DKK4: variants seen among roughly 807,000 people sequenced by gnomAD.
DKK4 encodes the protein dickkopf-related protein 4.
DKK4 carries 15 observed loss-of-function variants against 14.5 expected under a neutral mutation model. That is an observed-to-expected ratio of 1.03 (90% CI 0.69 to 1.59). The LOEUF (loss-of-function observed/expected upper bound fraction) is 1.59. DKK4 is among the 40% of genes most tolerant of loss of function. DKK4 has a pLI of 0.00. For synonymous variants in DKK4, 89 were observed against 105.2 expected (o/e 0.85, Z 0.94); for missense variants, 272 against 280.3 (o/e 0.97, Z 0.21).
At chr8:42,387,705 G>A in the DKK4 span, among the ~76,000 whole-genome samples, 2 of 152,074 alleles carry the variant, frequency 1.3e-5, no homozygotes, top group East Asian at 1.9e-4. Flanking sequence ...AATCTAGAGC[G>A]AGCTAACTGG....
chr8:42,388,092 G>T, the DKK4 span, among the ~76,000 whole-genome samples: 1 of 152,244 alleles, frequency 6.6e-6, no homozygotes, highest in African/African-American at 2.4e-5. Context: ...TAGAGACAGG[G>T]TCTCACTATG....
chr8:42,387,110 C>T, the DKK4 span, among the ~76,000 whole-genome samples: 4 of 152,146 alleles, frequency 2.6e-5, no homozygotes, highest in Non-Finnish European at 4.4e-5. Flanking sequence ...GCCCTGGACA[C>T]GAAAGACGCT....
chr8:42,386,059 C>T, the DKK4 span, among the ~76,000 whole-genome samples: 13 of 152,230 alleles, frequency 8.5e-5, no homozygotes, highest in Non-Finnish European at 1.5e-4. Flanking sequence ...CTGTCTGCCT[C>T]CCCGGATTGG....
At position 42,375,798 on chromosome 8, in the gene DKK4, A is replaced by G; in HGVS notation, c.144T>C (p.Asn48=). ...GGGGCTGGAGGCAGAACTTTCTGGT[A>G]TTGCAGTCCGTGTCAGACAGGCACT... The part of the protein sequence containing the change: ...GSQCLSDTDC[N]TRKFCLQPRD... Residue 48 remains asparagine (N), a synonymous_variant, in exon 2 of 4, where the codon AAT becomes AAC. Coordinates refer to ENST00000220812, the MANE Select transcript of DKK4 (RefSeq NM_014420.3). The G allele has an allele frequency of 3.1e-6, 5 of 1,614,118 alleles. No individual in the cohort carries two copies. The highest frequency in any genetic ancestry group is 4.2e-6 in the Non-Finnish European group (5 of 1,180,010).
the DKK4 span, among the ~76,000 whole-genome samples, chr8:42,382,735 A>G: frequency 6.6e-6 from 1 of 152,262 alleles, no homozygotes; most frequent in Non-Finnish European, 1.5e-5. Context: ...TGATGCTTCA[A>G]GTTTTGCAGT....
upstream of DKK4, among the ~76,000 whole-genome samples, chr8:42,379,024 A>G (rs1021128142): frequency 2.0e-5 from 3 of 148,866 alleles, no homozygotes; most frequent in Non-Finnish European, 4.5e-5. Context: ...GCTGAGGTGG[A>G]TGGATCACCT....
chr8:42,374,690 C>T (rs1317883858), intron 3 of DKK4, 71 bp downstream of exon 3: 1 of 1,586,126 alleles, frequency 6.3e-7, no homozygotes, highest in Non-Finnish European at 8.6e-7. Context: ...ATCAGTCTCA[C>T]CCTATCCTTA....
upstream of DKK4, among the ~76,000 whole-genome samples, chr8:42,377,947 T>C (rs1352131254): frequency 2.0e-5 from 3 of 152,266 alleles, no homozygotes; most frequent in Non-Finnish European, 4.4e-5. Context: ...TTTGGGTCCA[T>C]TTTATCAGCA....
chr8:42,377,325 T>A, upstream of DKK4: 1 of 384,220 alleles, frequency 2.6e-6, no homozygotes, highest in East Asian at 4.4e-5. Flanking sequence ...AACAAATCCC[T>A]TCAAATCTGT....
intron 1 of DKK4, 27 bp from the exon 2 acceptor site, chr8:42,375,857 G>T (rs1370657525): frequency 1.9e-6 from 3 of 1,611,492 alleles, no homozygotes; most frequent in Non-Finnish European, 2.5e-6. Flanking sequence ...TTATCACAAG[G>T]CTAGGAAACC....
the DKK4 span, among the ~76,000 whole-genome samples, chr8:42,386,627 C>A: frequency 6.6e-6 from 1 of 152,064 alleles, no homozygotes; most frequent in Non-Finnish European, 1.5e-5. Flanking sequence ...TAGCTGGGAA[C>A]ACAGACGTGC....
chr8:42,386,490 C>A, the DKK4 span, among the ~76,000 whole-genome samples: 1 of 151,928 alleles, frequency 6.6e-6, no homozygotes, highest in Non-Finnish European at 1.5e-5. Context: ...GTTCTTTTGG[C>A]TTTGCTTTGC....
chr8:42,385,968 T>C, the DKK4 span, among the ~76,000 whole-genome samples: 1 of 152,244 alleles, frequency 6.6e-6, no homozygotes, highest in African/African-American at 2.4e-5. Context: ...ATATGCAATA[T>C]AATTAATCTA....
At chr8:42,388,839 G>A in the DKK4 span, among the ~76,000 whole-genome samples, 1 of 152,260 alleles carries the variant, frequency 6.6e-6, no homozygotes, top group Admixed American at 6.5e-5. Context: ...AAAGTGCTGG[G>A]ATTACAGGCG....
chr8:42,381,578 C>T (rs376313418), upstream of DKK4, among the ~76,000 whole-genome samples: 4 of 152,086 alleles, frequency 2.6e-5, no homozygotes, highest in African/African-American at 4.8e-5. Flanking sequence ...GCTTTGGGGC[C>T]GGGCCTGACT....
At chr8:42,389,115 TTGTATTTTTTGTAGAGA>T in the DKK4 span, among the ~76,000 whole-genome samples, 2 of 152,198 alleles carry the variant, frequency 1.3e-5, no homozygotes, top group African/African-American at 4.8e-5. Context: ...TGGCTAATTT[TTGTATTTTTTGTAGAGA>T]TGGGGTTCAA....
chr8:42,383,357 G>A, the DKK4 span, among the ~76,000 whole-genome samples: 1 of 152,260 alleles, frequency 6.6e-6, no homozygotes, highest in Admixed American at 6.5e-5. Flanking sequence ...CTCAGCCTCA[G>A]TTCCTTCTGG....
At chr8:42,389,919 T>A in the DKK4 span, among the ~76,000 whole-genome samples, 1 of 150,264 alleles carries the variant, frequency 6.7e-6, no homozygotes, top group African/African-American at 2.5e-5. Context: ...TTAGACGGAG[T>A]CTTGCCCTGT....
At chr8:42,379,351 CTATATATATATATA>C (rs71548581), upstream of DKK4, among the ~76,000 whole-genome samples, 1 of 8,766 alleles carries the variant, frequency 1.1e-4, no homozygotes, top group Non-Finnish European at 2.8e-4. Flanking sequence ...GAGATTAAGC[CTATATATATATATA>C]TATATATATA....
Sources: gnomAD v4.1 joint callset for allele counts (sites outside exome capture counted in the v4.1 genomes callset) on GRCh38, gnomAD v4.1.1 for gene constraint, MANE v1.5 for transcripts, NCBI Gene and HGNC (gene_info 2026-07-23, HGNC 2026-07-21) for gene names.